The following STAG1 variants were observed in gnomAD, a reference collection of about 807,000 sequenced individuals.
STAG1 encodes the protein STAG1 cohesin complex component.
In STAG1, 26 loss-of-function variants were observed where a neutral mutation model predicts 170.9. The observed-to-expected ratio is 0.15, with a 90% confidence interval of 0.11 to 0.21. The LOEUF is 0.21. STAG1 is among the 10% of genes least tolerant of loss of function. The probability of loss-of-function intolerance (pLI) is 1.00; values close to 1 mark genes in which losing one functional copy is unlikely to be tolerated. For synonymous variants in STAG1, 514 were observed against 497.7 expected, an observed-to-expected ratio of 1.03 and a Z score of -0.44; for missense variants, 964 against 1,509.5, an observed-to-expected ratio of 0.64 and a Z score of 5.99.
intron 6 of STAG1, among the ~76,000 whole-genome samples, chr3:136,540,745 C>T (rs898148980): frequency 6.0e-5 from 8 of 133,662 alleles, no homozygotes; most frequent in Non-Finnish European, 1.1e-4. Context: ...CTGCTTGAAC[C>T]GGGGAGGTAG....
intron 16 of STAG1, among the ~76,000 whole-genome samples, chr3:136,431,774 A>C (rs1164766052): frequency 6.6e-6 from 1 of 152,204 alleles, no homozygotes; most frequent in Non-Finnish European, 1.5e-5. Flanking sequence ...ATTTCTGATA[A>C]GCTAACTGTT....
chr3:136,662,023 C>T (rs891524406), intron 1 of STAG1, among the ~76,000 whole-genome samples: 3 of 152,186 alleles, frequency 2.0e-5, no homozygotes, highest in Non-Finnish European at 4.4e-5. Flanking sequence ...AACCTACTAT[C>T]CTTCATCCTA....
rs143398912 is a variant in STAG1 at position 136,358,258 on chromosome 3, C to T, written c.2937-410G>A. On this transcript the variant is annotated intron_variant, in intron 27 of 33. Transcript: ENST00000383202. ...TGCCACCACACCTGGGTAATTTTTG[C>T]ATTTTTTGTAGAGATGGGGTTTCGC... Among the ~76,000 whole-genome samples, 407 of 151,940 alleles carry T rather than the reference C, an allele frequency of 2.7e-3. 2 individuals are homozygous for T. The highest frequency in any genetic ancestry group is 9.5e-3 in the African/African-American group (395 of 41,454).
intron 9 of STAG1, among the ~76,000 whole-genome samples, chr3:136,494,884 G>A (rs1265845822): frequency 1.3e-5 from 2 of 152,100 alleles, no homozygotes; most frequent in Non-Finnish European, 2.9e-5. Flanking sequence ...TTGTTAAGAG[G>A]TTAATTCTCT....
chr3:136,618,703 GTT>G (rs1273536513), intron 3 of STAG1, among the ~76,000 whole-genome samples: 1 of 152,024 alleles, frequency 6.6e-6, no homozygotes, highest in Admixed American at 6.6e-5. Context: ...GAAAAGAATA[GTT>G]TTTCTTTTCT....
At chr3:136,716,008 G>A (rs1440417484) in intron 1 of STAG1, among the ~76,000 whole-genome samples, 1 of 152,132 alleles carries the variant, frequency 6.6e-6, no homozygotes, top group Non-Finnish European at 1.5e-5. Context: ...TGAAGCAAGA[G>A]AATTGCTTGA....
chr3:136,485,400 T>G (rs2089987356), intron 9 of STAG1, among the ~76,000 whole-genome samples: 1 of 151,988 alleles, frequency 6.6e-6, no homozygotes, highest in East Asian at 1.9e-4. Context: ...GAGGTTGCAG[T>G]AAGCCGAGAT....
intron 7 of STAG1, among the ~76,000 whole-genome samples, chr3:136,508,119 A>T (rs1198444347): frequency 6.6e-6 from 1 of 152,186 alleles, no homozygotes; most frequent in African/African-American, 2.4e-5. Context: ...GGGCTAGAGG[A>T]ACGTGAGGGA....
intron 3 of STAG1, among the ~76,000 whole-genome samples, chr3:136,606,810 G>A (rs577872688): frequency 3.2e-4 from 47 of 148,966 alleles, no homozygotes; most frequent in Non-Finnish European, 6.2e-4. Flanking sequence ...GTGCAATGGC[G>A]TGATCTCAGC....
At chr3:136,370,335 G>A (rs1183444687) in intron 23 of STAG1, among the ~76,000 whole-genome samples, 2 of 151,828 alleles carry the variant, frequency 1.3e-5, no homozygotes, top group Admixed American at 1.3e-4. Context: ...CTAGGCTAAT[G>A]TATGTGTTTC....
intron 1 of STAG1, among the ~76,000 whole-genome samples, chr3:136,649,284 G>C (rs574177285): frequency 1.0e-3 from 152 of 152,070 alleles, no homozygotes; most frequent in Middle Eastern, 3.4e-3. Context: ...CTCAAGACCA[G>C]CCTGGCCAAC....
At chr3:136,730,741 A>T (rs1559977905) in intron 1 of STAG1, among the ~76,000 whole-genome samples, 1 of 152,174 alleles carries the variant, frequency 6.6e-6, no homozygotes, top group Non-Finnish European at 1.5e-5. Context: ...CAAAGTTCAA[A>T]CACTTTCCTT....
chr3:136,510,285 T>C (rs1165487429), intron 7 of STAG1, among the ~76,000 whole-genome samples: 1 of 152,098 alleles, frequency 6.6e-6, no homozygotes, highest in African/African-American at 2.4e-5. Context: ...AGTGAGTTCT[T>C]TGGATTATTT....
intron 1 of STAG1, among the ~76,000 whole-genome samples, chr3:136,682,468 T>C (rs1004903131): frequency 9.0e-4 from 133 of 147,386 alleles, no homozygotes; most frequent in African/African-American, 3.1e-3. Context: ...TATATACACA[T>C]ATGGACAGAG....
At chr3:136,364,959 A>G (rs975504668) in intron 25 of STAG1, among the ~76,000 whole-genome samples, 4 of 152,236 alleles carry the variant, frequency 2.6e-5, no homozygotes, top group Admixed American at 1.3e-4. Flanking sequence ...TCAAAACACT[A>G]AAGTACTGGA....
At chr3:136,473,362 T>A (rs2089671616) in intron 11 of STAG1, among the ~76,000 whole-genome samples, 177 bp downstream of exon 11, 1 of 152,112 alleles carries the variant, frequency 6.6e-6, no homozygotes, top group African/African-American at 2.4e-5. Context: ...AACCCCCACC[T>A]TGGTCCACAG....
chr3:136,555,245 T>TG (rs1423593423), intron 5 of STAG1, among the ~76,000 whole-genome samples: 1 of 151,102 alleles, frequency 6.6e-6, no homozygotes, highest in African/African-American at 2.4e-5. Context: ...GGCATGGTCT[T>TG]GCATGCCTGT....
intron 6 of STAG1, among the ~76,000 whole-genome samples, chr3:136,540,912 A>G (rs1239959669): frequency 6.6e-6 from 1 of 151,018 alleles, no homozygotes; most frequent in African/African-American, 2.4e-5. Context: ...CCTAAAACAA[A>G]AGTAATGCTT....
intron 1 of STAG1, among the ~76,000 whole-genome samples, chr3:136,708,219 T>C (rs1442382465): frequency 6.6e-6 from 1 of 152,164 alleles, no homozygotes; most frequent in Admixed American, 6.5e-5. Flanking sequence ...GCATTATTCA[T>C]AATAGCCAAA....
Sources: gnomAD v4.1 joint callset for allele counts (sites outside exome capture counted in the v4.1 genomes callset) on GRCh38, gnomAD v4.1.1 for gene constraint, MANE v1.5 for transcripts, NCBI Gene and HGNC (gene_info 2026-07-23, HGNC 2026-07-21) for gene names.